Variants in FBXL4 observed in about 807,000 individuals in gnomAD.
FBXL4 encodes the protein F-box/LRR-repeat protein 4.
A neutral mutation model predicts 58.9 loss-of-function variants in FBXL4; 40 were observed. The observed-to-expected ratio is 0.68, with a 90% CI of 0.53 to 0.88. The LOEUF (loss-of-function observed/expected upper bound fraction) is 0.88. FBXL4 is among the 40% of genes least tolerant of loss of function. The pLI, the probability that FBXL4 is intolerant of heterozygous loss-of-function variation, is 0.00. For missense variants in FBXL4, 676 were observed against 734.4 expected (o/e 0.92, Z 0.92); for synonymous variants, 263 against 265.5 (o/e 0.99, Z 0.09).
chr6:98,927,439 T>C lies in FBXL4; in HGVS notation c.-73+266A>G, dbSNP rs534500467. ...ATACTGCTGTAAATTCAAAATAATC[T>C]TAGACATTGCTGTAATTTTACATGT... On this transcript the variant is annotated intron_variant, in intron 3 of 9. Transcript: ENST00000369244. Among the ~76,000 whole-genome samples, 3 of 152,318 alleles carry C rather than the reference T, an allele frequency of 2.0e-5. No individual in the cohort carries two copies. The South Asian group carries it at 6.2e-4, about 32-fold the overall frequency.
rs1369078011 is a variant in FBXL4 at position 98,869,817 on chromosome 6, T to C, written c.*4461A>G. ...GAAATTAGTTTTTCTCTGCTACATATTGGCTCAAAAGTAAGCACCTGAATA... is the reference window on the plus strand; with the variant it reads ...GAAATTAGTTTTTCTCTGCTACATACTGGCTCAAAAGTAAGCACCTGAATA... On this transcript the variant is annotated 3_prime_UTR_variant, in exon 10 of 10. Transcript: ENST00000369244. 2 of 152,232 alleles carry C rather than the reference T, an allele frequency of 1.3e-5. 1 individual carries two copies. Among genetic ancestry groups the C allele is most frequent in the South Asian group, 4.1e-4 (2 of 4,830 alleles). The allele number at this position is 152,232 out of a possible 1,614,324, so 9.4% of individuals were successfully genotyped here.
intron 2 of FBXL4, among the ~76,000 whole-genome samples, chr6:98,933,520 T>C (rs1773091426): frequency 1.3e-5 from 2 of 152,192 alleles, no homozygotes; most frequent in Non-Finnish European, 2.9e-5. Flanking sequence ...GGCTCTGGAA[T>C]GCCCCCTCTC....
At chr6:98,894,657 A>C (rs1437570947) in intron 7 of FBXL4, among the ~76,000 whole-genome samples, 1 of 152,134 alleles carries the variant, frequency 6.6e-6, no homozygotes, top group African/African-American at 2.4e-5. Context: ...TCTTTTATTG[A>C]TGTAATAGTA....
chr6:98,930,198 G>C (rs967161573), intron 2 of FBXL4, among the ~76,000 whole-genome samples: 3 of 152,180 alleles, frequency 2.0e-5, no homozygotes, highest in Non-Finnish European at 2.9e-5. Context: ...TGCAGCACAA[G>C]AACAAGAAAT....
At chr6:98,884,763 TTC>T (rs1322234002) in intron 7 of FBXL4, among the ~76,000 whole-genome samples, 1 of 152,212 alleles carries the variant, frequency 6.6e-6, no homozygotes, top group African/African-American at 2.4e-5. Context: ...TTCTTAACAA[TTC>T]TCTCTTCAAA....
chr6:98,902,641 A>G (rs1368350854), intron 6 of FBXL4, among the ~76,000 whole-genome samples: 1 of 152,092 alleles, frequency 6.6e-6, no homozygotes, highest in Non-Finnish European at 1.5e-5. Context: ...GTAAAAACCT[A>G]CACATAACTG....
At chr6:98,915,709 T>A (rs894042982) in intron 5 of FBXL4, among the ~76,000 whole-genome samples, 1 of 152,122 alleles carries the variant, frequency 6.6e-6, no homozygotes, top group African/African-American at 2.4e-5. Flanking sequence ...CCTAAAACCA[T>A]AAAAACCTTA....
At chr6:98,904,567 T>C (rs553546513) in intron 6 of FBXL4, among the ~76,000 whole-genome samples, 1 of 152,204 alleles carries the variant, frequency 6.6e-6, no homozygotes. Context: ...TAAACCACTG[T>C]TGTAGAATGT....
intron 7 of FBXL4, among the ~76,000 whole-genome samples, chr6:98,886,991 A>G (rs1199196283): frequency 1.3e-5 from 2 of 152,186 alleles, no homozygotes; most frequent in Non-Finnish European, 2.9e-5. Context: ...GCTCACGCCT[A>G]TAATTCTAAC....
At position 98,872,315 on chromosome 6, in the gene FBXL4, C is replaced by G. The variant is rs887786794; in HGVS notation, c.*1963G>C. ...AGGAAAATATCCAGAGAAGAAGTAA[C>G]CTTTCAAGTGATGAATATGCTCAAC... is the stretch of plus-strand genomic sequence containing the variant. On this transcript the variant is annotated 3_prime_UTR_variant, in exon 10 of 10. Transcript: ENST00000369244. The G allele has an allele frequency of 1.3e-5, 2 of 152,128 alleles. No homozygotes were observed. The highest frequency in any genetic ancestry group is 4.8e-5 in the African/African-American group (2 of 41,418). 9.4% of individuals were successfully genotyped at this position (152,128 alleles called of 1,614,324 possible). A position where few individuals can be genotyped will look rare whatever the true frequency, so the allele number is the denominator to read the frequency against.
intron 4 of FBXL4, among the ~76,000 whole-genome samples, chr6:98,920,819 T>TAC (rs10633715): frequency 0.14 from 20,859 of 144,738 alleles, 1,458 homozygotes; most frequent in Middle Eastern, 0.19. Flanking sequence ...TACACACACA[T>TAC]ACACACACAC....
chr6:98,942,168 C>T (rs189229225), intron 1 of FBXL4, among the ~76,000 whole-genome samples: 2 of 151,622 alleles, frequency 1.3e-5, no homozygotes, highest in Admixed American at 6.6e-5. Context: ...CATAACTCTT[C>T]CTGAAACTAT....
At chr6:98,928,804 G>A (rs1772890214) in intron 2 of FBXL4, among the ~76,000 whole-genome samples, 1 of 152,172 alleles carries the variant, frequency 6.6e-6, no homozygotes, top group Non-Finnish European at 1.5e-5. Context: ...TCTTCAAGCT[G>A]GACCAATCTC....
chr6:98,882,124 T>C (rs1383817048), intron 7 of FBXL4, among the ~76,000 whole-genome samples: 2 of 152,090 alleles, frequency 1.3e-5, no homozygotes, highest in African/African-American at 4.8e-5. Context: ...CACAACTTGT[T>C]TGGTAATTTA....
At chr6:98,887,769 G>A (rs1325666111) in intron 7 of FBXL4, among the ~76,000 whole-genome samples, 2 of 152,178 alleles carry the variant, frequency 1.3e-5, no homozygotes, top group Non-Finnish European at 2.9e-5. Context: ...AAAGAACAAT[G>A]ATGACCTTGG....
At chr6:98,890,775 C>T (rs1312803862) in intron 7 of FBXL4, among the ~76,000 whole-genome samples, 1 of 151,932 alleles carries the variant, frequency 6.6e-6, no homozygotes, top group Non-Finnish European at 1.5e-5. Flanking sequence ...AAAAATCAGC[C>T]GGGCATGGTG....
intron 1 of FBXL4, among the ~76,000 whole-genome samples, chr6:98,935,617 G>A (rs1414160172): frequency 2.0e-5 from 3 of 150,626 alleles, no homozygotes; most frequent in African/African-American, 7.3e-5. Context: ...GTGAAACCCC[G>A]TCTCTACTAA....
At chr6:98,913,047 C>T (rs1272945284) in intron 5 of FBXL4, among the ~76,000 whole-genome samples, 1 of 151,938 alleles carries the variant, frequency 6.6e-6, no homozygotes, top group Non-Finnish European at 1.5e-5. Context: ...ATAAAACAGA[C>T]TTTAAACCAA....
chr6:98,901,146 G>T (rs554131081), intron 6 of FBXL4, among the ~76,000 whole-genome samples: 1 of 152,240 alleles, frequency 6.6e-6, no homozygotes, highest in African/African-American at 2.4e-5. Context: ...TCGCAAATTT[G>T]TGAAAAGTGC....
Sources: allele counts gnomAD v4.1 joint callset (sites outside exome capture counted in the v4.1 genomes callset), GRCh38; gene constraint gnomAD v4.1.1; transcripts MANE v1.5; gene names NCBI Gene and HGNC (gene_info 2026-07-23, HGNC 2026-07-21).